Variants in SSBP3 observed in about 807,000 individuals in gnomAD.
SSBP3 encodes the protein single-stranded DNA-binding protein 3.
A neutral mutation model predicts 69.6 loss-of-function variants in SSBP3; 5 were observed. The ratio of observed to expected loss-of-function variants is 0.07; its 90% CI spans 0.04 to 0.15. The LOEUF (loss-of-function observed/expected upper bound fraction) is 0.15. Among genes scored for constraint, SSBP3 ranks in the 10% least tolerant of loss-of-function variants. The pLI is 1.00. For missense variants in SSBP3, 312 were observed against 534.0 expected, an observed-to-expected ratio of 0.58 and a Z score of 4.10; for synonymous variants, 196 against 193.4, an observed-to-expected ratio of 1.01 and a Z score of -0.11.
At chr1:54,277,153 T>G (rs527908768) in intron 5 of SSBP3, among the ~76,000 whole-genome samples, 2 of 151,942 alleles carry the variant, frequency 1.3e-5, no homozygotes, top group Non-Finnish European at 2.9e-5. Context: ...AATGAGAAGC[T>G]TGGACTACAT....
At chr1:54,247,157 G>C (rs571576408) in intron 9 of SSBP3, among the ~76,000 whole-genome samples, 1 of 152,246 alleles carries the variant, frequency 6.6e-6, no homozygotes, top group Admixed American at 6.5e-5. Flanking sequence ...GCAGCCTGGA[G>C]GCGGTGGCTG....
chr1:54,230,077 GT>G (rs954602470), intron 14 of SSBP3, among the ~76,000 whole-genome samples: 1 of 152,258 alleles, frequency 6.6e-6, no homozygotes, highest in African/African-American at 2.4e-5. Flanking sequence ...AGGCTACCAA[GT>G]GGGTGGCAGC....
At chr1:54,267,762 C>T (rs1169095925) in intron 5 of SSBP3, among the ~76,000 whole-genome samples, 1 of 152,198 alleles carries the variant, frequency 6.6e-6, no homozygotes, top group Non-Finnish European at 1.5e-5. Context: ...CATATCTATT[C>T]TGTTCCTTTC....
chr1:54,386,212 A>G (rs1648068999), intron 4 of SSBP3, among the ~76,000 whole-genome samples: 1 of 152,204 alleles, frequency 6.6e-6, no homozygotes, highest in Admixed American at 6.5e-5. Context: ...GCCTAGGGTT[A>G]CAGCTTCAAC....
At chr1:54,362,396 C>T (rs12060381) in intron 4 of SSBP3, among the ~76,000 whole-genome samples, 5,220 of 152,262 alleles carry the variant, frequency 0.034, 296 homozygotes, top group African/African-American at 0.11. Flanking sequence ...CCTCTCTTCC[C>T]CAAGAAAGGG....
chr1:54,227,192 TGA>T, intron 17 of SSBP3, 32 bp from the exon 18 acceptor site: 1 of 613,126 alleles, frequency 1.6e-6, no homozygotes, highest in Non-Finnish European at 2.6e-6. Context: ...GGGGGGGGGG[TGA>T]GGATTGTGGG....
intron 4 of SSBP3, among the ~76,000 whole-genome samples, chr1:54,322,908 AG>A (rs934790409): frequency 6.6e-6 from 1 of 152,210 alleles, no homozygotes; most frequent in African/African-American, 2.4e-5. Context: ...AGGCACTTAC[AG>A]GGGGGCTGGG....
At chr1:54,326,726 G>A (rs961360086) in intron 4 of SSBP3, among the ~76,000 whole-genome samples, 1 of 152,136 alleles carries the variant, frequency 6.6e-6, no homozygotes, top group Non-Finnish European at 1.5e-5. Flanking sequence ...AATTTCATTA[G>A]CTAATGTTTA....
At chr1:54,225,497 TC>T in exon 18 of SSBP3, 2 of 1,118,052 alleles carry the variant, frequency 1.8e-6, no homozygotes, top group Non-Finnish European at 2.3e-6. Flanking sequence ...CTACAATGTA[TC>T]ATAATTACTT....
rs114825015 is a variant in SSBP3 at position 54,327,910 on chromosome 1, A to C, written c.277-46383T>G. ...ATCTTAAATAAAGCAGTTGTCCTTT[A>C]AGCACATTTACATGCAAACGACTTC... is the stretch of plus-strand genomic sequence containing the variant. On this transcript the variant is annotated intron_variant, in intron 4 of 17. Transcript: ENST00000610401. Among the ~76,000 whole-genome samples the C allele has an allele frequency of 1.8e-3, 279 of 152,332 alleles. 1 individual carries two copies. Among genetic ancestry groups the C allele is most frequent in the African/African-American group, 6.2e-3 (257 of 41,572 alleles).
At chr1:54,299,235 C>T (rs1386203409) in intron 4 of SSBP3, among the ~76,000 whole-genome samples, 1 of 152,184 alleles carries the variant, frequency 6.6e-6, no homozygotes, top group East Asian at 1.9e-4. Flanking sequence ...CCCTCTGGGA[C>T]TTGCTGCAAG....
At chr1:54,257,353 G>C (rs1377290553) in intron 6 of SSBP3, 167 bp from the exon 7 acceptor site, 1 of 565,252 alleles carries the variant, frequency 1.8e-6, no homozygotes, top group Admixed American at 4.1e-5. Flanking sequence ...TTGGGCAGAG[G>C]GAACAATAGA....
chr1:54,315,072 T>A (rs1646071610), intron 4 of SSBP3, among the ~76,000 whole-genome samples: 1 of 152,256 alleles, frequency 6.6e-6, no homozygotes, highest in Non-Finnish European at 1.5e-5. Context: ...CTGGCTCTTA[T>A]CCATCTCCCT....
intron 4 of SSBP3, among the ~76,000 whole-genome samples, chr1:54,399,511 A>C (rs1317765154): frequency 6.6e-6 from 1 of 152,234 alleles, no homozygotes; most frequent in Non-Finnish European, 1.5e-5. Context: ...GAAAGCTGCC[A>C]ACAGAGGCTT....
chr1:54,304,614 A>G (rs1645863877), intron 4 of SSBP3, among the ~76,000 whole-genome samples: 1 of 152,214 alleles, frequency 6.6e-6, no homozygotes, highest in South Asian at 2.1e-4. Flanking sequence ...CAAAGGCTGC[A>G]TGGGGAGCAG....
intron 5 of SSBP3, among the ~76,000 whole-genome samples, chr1:54,270,163 G>C (rs910330142): frequency 6.6e-6 from 1 of 152,192 alleles, no homozygotes; most frequent in Admixed American, 6.5e-5. Flanking sequence ...AGGGAGAGCT[G>C]CTTCTGCTTT....
intron 4 of SSBP3, among the ~76,000 whole-genome samples, chr1:54,330,698 G>C (rs1398260194): frequency 7.4e-6 from 1 of 135,766 alleles, no homozygotes; most frequent in Non-Finnish European, 1.5e-5. Flanking sequence ...CTCCAACCTT[G>C]TGCAGTCAAA....
At chr1:54,321,744 G>C (rs1160629073) in intron 4 of SSBP3, among the ~76,000 whole-genome samples, 2 of 152,336 alleles carry the variant, frequency 1.3e-5, no homozygotes, top group Middle Eastern at 3.4e-3. Context: ...AAACATACTG[G>C]AGTGTCTTCC....
intron 4 of SSBP3, among the ~76,000 whole-genome samples, chr1:54,368,820 G>C (rs1246408875): frequency 6.6e-6 from 1 of 152,156 alleles, no homozygotes; most frequent in South Asian, 2.1e-4. Context: ...AGGCCTGGGG[G>C]CCCCCGTGGC....
Sources: gnomAD v4.1 joint callset for allele counts (sites outside exome capture counted in the v4.1 genomes callset) on GRCh38, gnomAD v4.1.1 for gene constraint, MANE v1.5 for transcripts, NCBI Gene and HGNC (gene_info 2026-07-23, HGNC 2026-07-21) for gene names.